The following KDM4C variants were observed in gnomAD, a reference collection of about 807,000 sequenced individuals.
The protein encoded by KDM4C is lysine demethylase 4C, also known as lysine-specific demethylase 4C.
A neutral mutation model predicts 129.3 loss-of-function variants in KDM4C; 81 were observed. The ratio of observed to expected loss-of-function variants is 0.63; its 90% CI spans 0.52 to 0.75. KDM4C has a LOEUF of 0.75. Ranked by LOEUF, KDM4C falls within the 30% of genes least tolerant of loss-of-function variation. KDM4C has a pLI of 0.00. For synonymous variants in KDM4C, 573 were observed against 456.1 expected (o/e 1.26, Z -3.26); for missense variants, 1,457 against 1,304.0 (o/e 1.12, Z -1.81).
At chr9:6,888,367 A>C (rs985693417) in intron 7 of KDM4C, among the ~76,000 whole-genome samples, 6 of 152,222 alleles carry the variant, frequency 3.9e-5, no homozygotes, top group Non-Finnish European at 7.3e-5. Context: ...TGAGTAACAT[A>C]ATTTATGTAT....
chr9:6,768,408 G>T (rs1483413373), intron 1 of KDM4C, among the ~76,000 whole-genome samples: 2 of 150,932 alleles, frequency 1.3e-5, no homozygotes, highest in African/African-American at 4.9e-5. Flanking sequence ...ATAAATTTAT[G>T]TGTGTGTTTA....
intron 1 of KDM4C, among the ~76,000 whole-genome samples, chr9:6,785,705 T>A (rs1359417290): frequency 6.6e-6 from 1 of 152,226 alleles, no homozygotes; most frequent in Non-Finnish European, 1.5e-5. Context: ...TGACCTCATG[T>A]TAACTTGATT....
Position 6,969,932 on chromosome 9 carries a change from G to C in KDM4C, c.922-10993G>C, listed in dbSNP as rs373797184. Reference sequence around the variant, plus strand: ...CAGTTGTTTCCCATGTTGTGGCAGAGATGACTGTTAGCTTCTGTAGGATAA... The same window carrying C: ...CAGTTGTTTCCCATGTTGTGGCAGACATGACTGTTAGCTTCTGTAGGATAA... On this transcript the variant is annotated intron_variant, in intron 8 of 21. Coordinates refer to ENST00000381309, the MANE Select transcript of KDM4C (RefSeq NM_015061.6). 1.3e-3 allele frequency among the ~76,000 whole-genome samples: 205 copies of C among 152,342 alleles called. 7 individuals carry two copies. In the South Asian group the frequency reaches 0.041, roughly 31 times the overall value.
At chr9:7,154,294 G>T (rs10119509) in intron 19 of KDM4C, among the ~76,000 whole-genome samples, 1 of 152,032 alleles carries the variant, frequency 6.6e-6, no homozygotes, top group Non-Finnish European at 1.5e-5. Context: ...GCAGCTGTTG[G>T]CATTTCGCCC....
chr9:7,144,621 C>T (rs1587854895), intron 19 of KDM4C, among the ~76,000 whole-genome samples: 1 of 152,250 alleles, frequency 6.6e-6, no homozygotes, highest in Non-Finnish European at 1.5e-5. Flanking sequence ...TGGAATGTGG[C>T]CCCTGGCCCC....
intron 17 of KDM4C, among the ~76,000 whole-genome samples, chr9:7,052,894 A>AGAGAGAGAGAGAGAGAGAGAGCGC (rs1339242817): frequency 3.8e-5 from 4 of 105,468 alleles, no homozygotes; most frequent in Admixed American, 9.4e-5. Flanking sequence ...AGAGAGAGAG[A>AGAGAGAGAGAGAGAGAGAGAGCGC]GAGAGAGCGA....
intron 3 of KDM4C, among the ~76,000 whole-genome samples, chr9:6,809,151 T>G (rs567154569): frequency 6.6e-6 from 1 of 152,244 alleles, no homozygotes; most frequent in Non-Finnish European, 1.5e-5. Flanking sequence ...CCAAAGAAAT[T>G]GAAAATTTTA....
At chr9:6,913,589 C>T (rs796648161) in intron 8 of KDM4C, among the ~76,000 whole-genome samples, 1 of 152,190 alleles carries the variant, frequency 6.6e-6, no homozygotes, top group Non-Finnish European at 1.5e-5. Flanking sequence ...GTGGACTTCA[C>T]TTGTCCTCCT....
At chr9:6,955,765 A>T (rs946209419) in intron 8 of KDM4C, among the ~76,000 whole-genome samples, 1 of 152,212 alleles carries the variant, frequency 6.6e-6, no homozygotes, top group South Asian at 2.1e-4. Flanking sequence ...AGAAAAATAC[A>T]CACTCTGTAT....
chr9:6,854,348 A>G (rs542846368), intron 5 of KDM4C, among the ~76,000 whole-genome samples: 3 of 152,132 alleles, frequency 2.0e-5, no homozygotes, highest in Non-Finnish European at 1.5e-5. Context: ...CAACATGAAG[A>G]AACCCCGTCT....
intron 5 of KDM4C, among the ~76,000 whole-genome samples, chr9:6,857,610 T>G (rs1191573497): frequency 1.3e-5 from 2 of 152,164 alleles, no homozygotes; most frequent in Admixed American, 1.3e-4. Context: ...AGTGTTGAGA[T>G]TTTACTAATT....
At chr9:6,834,448 A>G in intron 4 of KDM4C, 1 of 484,090 alleles carries the variant, frequency 2.1e-6, no homozygotes. Context: ...ACCCGCTACC[A>G]GCTCACCATA....
At chr9:7,017,645 A>G (rs1823926028) in intron 15 of KDM4C, among the ~76,000 whole-genome samples, 1 of 152,230 alleles carries the variant, frequency 6.6e-6, no homozygotes. Context: ...AAAGTGACGA[A>G]CAATCAGACC....
intron 8 of KDM4C, among the ~76,000 whole-genome samples, chr9:6,908,293 C>T (rs1818680282): frequency 6.6e-6 from 1 of 152,152 alleles, no homozygotes; most frequent in Non-Finnish European, 1.5e-5. Context: ...TAATTTTCTT[C>T]CAAATCTATT....
chr9:6,951,584 C>G (rs1828151500), intron 8 of KDM4C, among the ~76,000 whole-genome samples: 1 of 152,236 alleles, frequency 6.6e-6, no homozygotes, highest in South Asian at 2.1e-4. Flanking sequence ...TCTCTTGTAA[C>G]CAGAACTGAC....
intron 18 of KDM4C, among the ~76,000 whole-genome samples, chr9:7,118,772 G>A (rs1408230841): frequency 6.6e-6 from 1 of 151,986 alleles, no homozygotes; most frequent in East Asian, 1.9e-4. Flanking sequence ...TTGGATTTAC[G>A]CCCTTTATTA....
Position 7,049,118 on chromosome 9 carries a change from C to A in KDM4C, c.2342C>A (p.Ala781Glu), listed in dbSNP as rs752325936. Reference sequence around the variant, plus strand: ...TGGGCCCATGTCATGTGCGCCGTTGCGGTCCCAGAAGTTCGATTCACTAAT... The same window carrying A: ...TGGGCCCATGTCATGTGCGCCGTTGAGGTCCCAGAAGTTCGATTCACTAAT... Reference protein sequence around the residue: ...NKWAHVMCAVAVPEVRFTNVP... With the variant: ...NKWAHVMCAVEVPEVRFTNVP... The change falls in exon 17 of 22, where the codon GCG becomes GAG. Residue 781 changes from alanine (A) to glutamate (E), a missense_variant. Physicochemically the swap from Ala to Glu is moderately radical, Grantham distance 107. Transcript: ENST00000381309. 13 of 1,611,800 alleles carry A rather than the reference C, an allele frequency of 8.1e-6. No homozygotes were observed. The highest frequency in any genetic ancestry group is 1.1e-5 in the Non-Finnish European group (13 of 1,178,450).
At chr9:6,830,256 A>T (rs1275922201) in intron 4 of KDM4C, among the ~76,000 whole-genome samples, 1 of 152,204 alleles carries the variant, frequency 6.6e-6, no homozygotes, top group Non-Finnish European at 1.5e-5. Context: ...TATCTCCAAG[A>T]TTTTGGAATG....
chr9:6,894,798 G>A (rs1233474398), intron 8 of KDM4C, among the ~76,000 whole-genome samples: 1 of 152,234 alleles, frequency 6.6e-6, no homozygotes, highest in African/African-American at 2.4e-5. Flanking sequence ...GTGGGAATGT[G>A]AAGTGTTGCA....
Sources: allele counts gnomAD v4.1 joint callset (sites outside exome capture counted in the v4.1 genomes callset), GRCh38; gene constraint gnomAD v4.1.1; transcripts MANE v1.5; gene names NCBI Gene and HGNC (gene_info 2026-07-23, HGNC 2026-07-21).